TTC27: variants seen among roughly 807,000 people sequenced by gnomAD.
TTC27 encodes the protein tetratricopeptide repeat domain 27, also known as tetratricopeptide repeat protein 27.
In TTC27, 79 loss-of-function variants were observed where a neutral mutation model predicts 115.9. The ratio of observed to expected loss-of-function variants is 0.68; its 90% confidence interval spans 0.57 to 0.82. TTC27 has a LOEUF of 0.82. Among genes scored for constraint, TTC27 ranks in the 40% least tolerant of loss-of-function variants. The pLI is 0.00. For synonymous variants in TTC27, 401 were observed against 356.0 expected, an observed-to-expected ratio of 1.13 and a Z score of -1.42; for missense variants, 1,054 against 993.1, an observed-to-expected ratio of 1.06 and a Z score of -0.82.
At chr2:32,756,280 G>A (rs1669229936) in intron 12 of TTC27, among the ~76,000 whole-genome samples, 1 of 152,180 alleles carries the variant, frequency 6.6e-6, no homozygotes, top group Non-Finnish European at 1.5e-5. Context: ...CTTCAATCAC[G>A]CAGTGAGATG....
At position 32,628,186 on chromosome 2, in the gene TTC27, C is replaced by T. The variant is rs774318272; in HGVS notation, c.-107C>T. 3 of 1,008,418 alleles carry T rather than the reference C, an allele frequency of 3.0e-6. No homozygotes were observed. Among genetic ancestry groups the T allele is most frequent in the Non-Finnish European group, 4.5e-6 (3 of 665,308 alleles). The allele number at this position is 1,008,418 out of a possible 1,614,324, so 62.5% of individuals were successfully genotyped here. ...CCGCAGGTGTATTTACGGTAACTGT[C>T]GCCACTAGATTTCAGCGCCTTTGGA... On this transcript the variant is annotated 5_prime_UTR_variant, in exon 1 of 20. Coordinates refer to ENST00000317907, the MANE Select transcript of TTC27 (RefSeq NM_017735.5).
chr2:32,771,371 G>GAT (rs1669825683), intron 13 of TTC27, among the ~76,000 whole-genome samples: 1 of 152,166 alleles, frequency 6.6e-6, no homozygotes, highest in Non-Finnish European at 1.5e-5. Context: ...AAATTAGGGA[G>GAT]ATATATCTAA....
chr2:32,766,590 C>A, intron 13 of TTC27: 1 of 206,114 alleles, frequency 4.9e-6, no homozygotes, highest in Non-Finnish European at 1.1e-5. Context: ...TTGTGGTGCC[C>A]CCAAACAATT....
intron 12 of TTC27, among the ~76,000 whole-genome samples, chr2:32,741,960 A>C (rs949512704): frequency 1.1e-4 from 16 of 152,208 alleles, no homozygotes; most frequent in Non-Finnish European, 1.8e-4. Flanking sequence ...AACCTTAAAG[A>C]ATTTTGATTC....
intron 5 of TTC27, among the ~76,000 whole-genome samples, chr2:32,653,279 G>A (rs1665196584): frequency 6.6e-6 from 1 of 152,080 alleles, no homozygotes; most frequent in Admixed American, 6.6e-5. Context: ...TCTGGGATTA[G>A]GTTGTTTCCA....
At chr2:32,713,165 C>T (rs1455308408) in intron 10 of TTC27, among the ~76,000 whole-genome samples, 1 of 152,100 alleles carries the variant, frequency 6.6e-6, no homozygotes, top group African/African-American at 2.4e-5. Context: ...TCTTAGACTT[C>T]CCCGTCTCCA....
At chr2:32,797,722 C>T (rs991025090) in intron 16 of TTC27, among the ~76,000 whole-genome samples, 12 of 152,110 alleles carry the variant, frequency 7.9e-5, no homozygotes, top group Non-Finnish European at 1.3e-4. Context: ...TTGGATATGA[C>T]ACCAAAAGCA....
intron 14 of TTC27, among the ~76,000 whole-genome samples, chr2:32,779,162 G>A (rs541595910): frequency 3.9e-4 from 60 of 152,174 alleles, no homozygotes; most frequent in South Asian, 6.2e-4. Context: ...GGCGGAGGTC[G>A]CAGTGAGCAG....
At chr2:32,743,414 A>G (rs1219657021) in intron 12 of TTC27, among the ~76,000 whole-genome samples, 1 of 152,154 alleles carries the variant, frequency 6.6e-6, no homozygotes, top group East Asian at 1.9e-4. Flanking sequence ...TTCATCCCTG[A>G]CAGAGTGCTT....
intron 10 of TTC27, among the ~76,000 whole-genome samples, chr2:32,717,138 T>C (rs2151908187): frequency 6.6e-6 from 1 of 151,948 alleles, no homozygotes; most frequent in Admixed American, 6.6e-5. Context: ...CACGCCCAAC[T>C]AATTTGTAAT....
At chr2:32,813,025 A>G (rs1671370061) in intron 18 of TTC27, among the ~76,000 whole-genome samples, 1 of 152,214 alleles carries the variant, frequency 6.6e-6, no homozygotes, top group African/African-American at 2.4e-5. Context: ...AGCATATACA[A>G]AAGAAATATA....
In TTC27 at chr2:32,660,229, C is replaced by T. The variant is rs565976382; in HGVS notation, c.641-4074C>T. Among the ~76,000 whole-genome samples, 112 of 152,250 alleles carry T rather than the reference C, an allele frequency of 7.4e-4. 1 individual carries two copies. In the Middle Eastern group the frequency reaches 0.027, roughly 37 times the overall value. On this transcript the variant is annotated intron_variant, in intron 5 of 19. Coordinates refer to ENST00000317907, the MANE Select transcript of TTC27 (RefSeq NM_017735.5). ...CATTCTAACTGGCATGAGATGGTAT[C>T]TCATTGTGGTTTGGATTTGCATTTC...
At chr2:32,675,488 G>A (rs1666164681) in intron 8 of TTC27, among the ~76,000 whole-genome samples, 2 of 152,028 alleles carry the variant, frequency 1.3e-5, no homozygotes, top group Admixed American at 1.3e-4. Context: ...AATATATAGA[G>A]CAGATAAAAG....
intron 11 of TTC27, among the ~76,000 whole-genome samples, 182 bp downstream of exon 11, chr2:32,734,105 C>T (rs1668379791): frequency 6.6e-6 from 1 of 152,244 alleles, no homozygotes; most frequent in Admixed American, 6.5e-5. Flanking sequence ...TGATATTAGA[C>T]TCATAAAACA....
intron 14 of TTC27, chr2:32,780,094 A>T (rs1470315206): frequency 2.1e-6 from 1 of 466,424 alleles, no homozygotes; most frequent in African/African-American, 2.0e-5. Context: ...GAAACTTTGT[A>T]GTAAGTTTTG....
intron 4 of TTC27, among the ~76,000 whole-genome samples, chr2:32,641,883 T>G (rs1031304531): frequency 3.3e-5 from 5 of 151,948 alleles, no homozygotes; most frequent in African/African-American, 1.2e-4. Flanking sequence ...TGAGACAGAG[T>G]CTCGCTCTGT....
At chr2:32,693,577 A>G (rs952611995) in intron 9 of TTC27, among the ~76,000 whole-genome samples, 2 of 152,238 alleles carry the variant, frequency 1.3e-5, no homozygotes, top group Non-Finnish European at 2.9e-5. Context: ...GCAAAGGTGG[A>G]GTTGTAAAAC....
At chr2:32,711,800 C>T (rs939775817) in intron 10 of TTC27, among the ~76,000 whole-genome samples, 2 of 151,950 alleles carry the variant, frequency 1.3e-5, no homozygotes, top group African/African-American at 4.8e-5. Context: ...ATTAACTGGG[C>T]GTGGTGGCAG....
chr2:32,733,698 C>T (rs1371133419), intron 10 of TTC27, 130 bp from the exon 11 acceptor site: 1 of 509,110 alleles, frequency 2.0e-6, no homozygotes, highest in Non-Finnish European at 3.3e-6. Flanking sequence ...ATTCACACAT[C>T]CTATCACCTT....
Sources: allele counts gnomAD v4.1 joint callset (sites outside exome capture counted in the v4.1 genomes callset), GRCh38; gene constraint gnomAD v4.1.1; transcripts MANE v1.5; gene names NCBI Gene and HGNC (gene_info 2026-07-23, HGNC 2026-07-21).